Variants in ADH4 observed in about 807,000 individuals in gnomAD.
ADH4 encodes all-trans-retinol dehydrogenase [NAD(+)] ADH4.
In ADH4, 31 loss-of-function variants were observed where a neutral mutation model predicts 35.2. That is an observed-to-expected ratio of 0.88 (90% confidence interval 0.66 to 1.19). ADH4 has a LOEUF of 1.19. Ranked by LOEUF, ADH4 falls within the 50% of genes most tolerant of loss-of-function variation. The pLI, the probability that ADH4 is intolerant of heterozygous loss-of-function variation, is 0.00. For missense variants in ADH4, 476 were observed against 458.3 expected, an observed-to-expected ratio of 1.04 and a Z score of -0.35; for synonymous variants, 171 against 160.2, an observed-to-expected ratio of 1.07 and a Z score of -0.51.
At chr4:99,134,750 T>A (rs900869899) in intron 5 of ADH4, among the ~76,000 whole-genome samples, 19 of 151,728 alleles carry the variant, frequency 1.3e-4, no homozygotes, top group Admixed American at 1.2e-3. Context: ...TAAAGGGAGA[T>A]AACATGTTGA....
At chr4:99,125,358 C>T (rs1729053115) in intron 8 of ADH4, among the ~76,000 whole-genome samples, 1 of 152,214 alleles carries the variant, frequency 6.6e-6, no homozygotes, top group South Asian at 2.1e-4. Context: ...GGCTGATTAC[C>T]AGGGAAGCCT....
At chr4:99,129,752 A>G (rs77609349) in intron 6 of ADH4, among the ~76,000 whole-genome samples, 2,746 of 152,292 alleles carry the variant, frequency 0.018, 74 homozygotes, top group African/African-American at 0.062. Flanking sequence ...TTAAAGGTCT[A>G]GGAGTGAATG....
Position 99,142,735 on chromosome 4 carries a change from G to T in ADH4, c.64C>A (p.Leu22Ile). 6.2e-7 allele frequency: 1 copy of T among 1,606,372 alleles called. No individual in the cohort carries two copies. The highest frequency in any genetic ancestry group is 8.5e-7 in the Non-Finnish European group (1 of 1,177,420). ...AAIAWEAGKPLCIEEVEVAPP... is the reference protein window; with the variant it reads ...AAIAWEAGKPICIEEVEVAPP... The stretch of plus-strand genomic sequence containing the variant: ...GCTACTTCAACCTCTTCAATGCAAA[G>T]GGGCTTGCCTGCTTCCCAGGCGATG... The change falls in exon 2 of 9, where the codon CTT becomes ATT. Residue 22 changes from leucine (L) to isoleucine (I), a missense_variant. By Grantham distance (5) the Leu-to-Ile change is conservative (BLOSUM62 2). Transcript: ENST00000265512.
chr4:99,142,834 G>T lies in ADH4; in HGVS notation c.19-54C>A. ...AGATAGAGATAGAGATTTTGACAGG[G>T]TTGGGGGTAGGAGAGAGGAGATCAT... On this transcript the variant is annotated intron_variant, in intron 1 of 8. Coordinates refer to ENST00000265512, the MANE Select transcript of ADH4 (RefSeq NM_000670.5). The T allele has an allele frequency of 5.1e-6, 7 of 1,367,324 alleles. No individual in the cohort carries two copies. The South Asian group carries it at 8.2e-5, about 16-fold the overall frequency. 84.7% of individuals were successfully genotyped at this position (1,367,324 alleles called of 1,614,324 possible). A position where few individuals can be genotyped will look rare whatever the true frequency, so the allele number is the denominator to read the frequency against.
chr4:99,125,625 G>A (rs1729063786), intron 8 of ADH4, among the ~76,000 whole-genome samples: 1 of 152,126 alleles, frequency 6.6e-6, no homozygotes, highest in African/African-American at 2.4e-5. Flanking sequence ...ACATGGTGTA[G>A]CTTAAAAAAT....
intron 5 of ADH4, among the ~76,000 whole-genome samples, chr4:99,132,569 T>A (rs1729318860): frequency 6.6e-6 from 1 of 152,190 alleles, no homozygotes; most frequent in South Asian, 2.1e-4. Flanking sequence ...AGGCAGAAAC[T>A]TTTTAAATTC....
intron 3 of ADH4, among the ~76,000 whole-genome samples, chr4:99,140,666 G>A (rs1380042436): frequency 2.0e-5 from 3 of 151,224 alleles, no homozygotes; most frequent in East Asian, 3.9e-4. Context: ...TCAGTAGTTC[G>A]AGACCAGCCT....
Position 99,137,558 on chromosome 4 carries a change from G to A in ADH4, c.351-861C>T, listed in dbSNP as rs6820625. Among the ~76,000 whole-genome samples the A allele has an allele frequency of 4.2e-3, 640 of 152,226 alleles. 6 individuals are homozygous for A. Among genetic ancestry groups the A allele is most frequent in the African/African-American group, 0.014 (601 of 41,532 alleles). On this transcript the variant is annotated intron_variant, in intron 4 of 8. Coordinates refer to ENST00000265512, the MANE Select transcript of ADH4 (RefSeq NM_000670.5). ...ATTACAGGCATGACCCACCGCACCC[G>A]GCCAGGGAACAAACTTTCATTGAAT...
rs552905170 is a variant in ADH4 at position 99,131,503 on chromosome 4, C to T, written c.843+1G>A. On this transcript the variant is annotated splice_donor_variant, in intron 6 of 8. Transcript: ENST00000265512. LOFTEE classifies it high-confidence loss of function. ...ATGATCCAAGAACAAAATATACATACCATGGTTTCAGATCCACCTGCACAG... is the reference window on the plus strand; with the variant it reads ...ATGATCCAAGAACAAAATATACATATCATGGTTTCAGATCCACCTGCACAG... 3.1e-6 allele frequency: 5 copies of T among 1,611,726 alleles called. No homozygotes were observed. The East Asian group carries it at 1.1e-4, about 36-fold the overall frequency.
chr4:99,143,983 C>T (rs541053880), intron 1 of ADH4, among the ~76,000 whole-genome samples: 83 of 152,158 alleles, frequency 5.5e-4, no homozygotes, highest in African/African-American at 1.7e-3. Flanking sequence ...TTCTTTTGGC[C>T]ATTTAAATAA....
At chr4:99,140,987 C>T (rs965436981) in intron 3 of ADH4, among the ~76,000 whole-genome samples, 2 of 152,112 alleles carry the variant, frequency 1.3e-5, no homozygotes, top group African/African-American at 4.8e-5. Flanking sequence ...TTTTGTCACC[C>T]AGGTACTAAA....
chr4:99,136,667 T>C lies in ADH4; in HGVS notation c.381A>G (p.Gln127=). Residue 127 remains glutamine, a synonymous_variant, in exon 5 of 9, where the codon CAA becomes CAG. Transcript: ENST00000265512. ...ACCTGCTGGTTTTGTCTTCCATTAG[T>C]TGTTGATCACTAGCAGGACTTTTGA... The part of the protein sequence containing the change: ...SNLKSPASDQ[Q]LMEDKTSRFT... 1 of 1,613,938 alleles carries C rather than the reference T, an allele frequency of 6.2e-7. No individual in the cohort carries two copies. The highest frequency in any genetic ancestry group is 8.5e-7 in the Non-Finnish European group (1 of 1,179,896).
intron 6 of ADH4, among the ~76,000 whole-genome samples, chr4:99,128,600 T>A (rs1729170573): frequency 6.6e-6 from 1 of 152,078 alleles, no homozygotes; most frequent in African/African-American, 2.4e-5. Context: ...AAAATTATTT[T>A]AAATTAAATA....
At chr4:99,138,544 C>T (rs936585348) in intron 4 of ADH4, among the ~76,000 whole-genome samples, 1 of 152,104 alleles carries the variant, frequency 6.6e-6, no homozygotes, top group Admixed American at 6.5e-5. Context: ...TTATTGTATC[C>T]CTCTCTCATC....
Position 99,139,105 on chromosome 4 carries a change from G to A in ADH4, c.306C>T (p.Cys102=). The A allele has an allele frequency of 6.2e-7, 1 of 1,613,354 alleles. No individual in the cohort carries two copies. The highest frequency in any genetic ancestry group is 1.1e-5 in the South Asian group (1 of 90,996). The change falls in exon 4 of 9, where the codon TGC becomes TGT. Residue 102 remains cysteine (C), a synonymous_variant. Transcript: ENST00000265512. ...TTGTGAGTGGACTCAGACAAAACTT[G>A]CATTTTCTACATAGAGGTGCATAAA... ...IPLYAPLCRK[C]KFCLSPLTNL...
At chr4:99,131,887 A>T in intron 5 of ADH4, 123 bp from the exon 6 acceptor site, 1 of 1,034,844 alleles carries the variant, frequency 9.7e-7, no homozygotes, top group Non-Finnish European at 1.4e-6. Flanking sequence ...ATTAAACTCT[A>T]TGATATAGCC....
chr4:99,132,007 C>T (rs779598550), intron 5 of ADH4, among the ~76,000 whole-genome samples: 1 of 152,088 alleles, frequency 6.6e-6, no homozygotes, highest in Non-Finnish European at 1.5e-5. Flanking sequence ...AAATAATTCC[C>T]TTGTTTTACT....
At chr4:99,126,211 G>A (rs1190020358) in intron 8 of ADH4, among the ~76,000 whole-genome samples, 1 of 152,190 alleles carries the variant, frequency 6.6e-6, no homozygotes, top group Non-Finnish European at 1.5e-5. Flanking sequence ...TTCTGATTGT[G>A]AAGGGTCTGG....
chr4:99,125,720 G>T (rs1729066258), intron 8 of ADH4, among the ~76,000 whole-genome samples: 1 of 152,070 alleles, frequency 6.6e-6, no homozygotes, highest in Non-Finnish European at 1.5e-5. Context: ...ATGTCAGTGG[G>T]GATATTTCCT....
Sources: allele counts gnomAD v4.1 joint callset (sites outside exome capture counted in the v4.1 genomes callset), GRCh38; gene constraint gnomAD v4.1.1; transcripts MANE v1.5; gene names NCBI Gene and HGNC (gene_info 2026-07-23, HGNC 2026-07-21).